Variants in NALF1 observed in about 807,000 individuals in gnomAD.
The protein encoded by NALF1 is NALCN channel auxiliary factor 1.
Under a neutral mutation model 48.4 loss-of-function variants are expected in NALF1, and 3 were observed. The ratio of observed to expected loss-of-function variants is 0.06; its 90% CI spans 0.03 to 0.16. The LOEUF is 0.16. NALF1 is among the 10% of genes least tolerant of loss of function. The probability of loss-of-function intolerance (pLI) is 1.00; values close to 1 mark genes in which losing one functional copy is unlikely to be tolerated. For missense variants in NALF1, 526 were observed against 571.5 expected (o/e 0.92, Z 0.81); for synonymous variants, 262 against 245.7 (o/e 1.07, Z -0.62).
intron 1 of NALF1, among the ~76,000 whole-genome samples, chr13:107,265,938 C>T (rs539343493): frequency 2.0e-5 from 3 of 152,186 alleles, no homozygotes; most frequent in African/African-American, 4.8e-5. Context: ...ATATGATTTG[C>T]GTTTTCTCTA....
chr13:107,795,617 G>C (rs1878398014), intron 1 of NALF1, among the ~76,000 whole-genome samples: 1 of 151,964 alleles, frequency 6.6e-6, no homozygotes, highest in Non-Finnish European at 1.5e-5. Context: ...AGGATCTCCA[G>C]GTATTCCATT....
intron 1 of NALF1, among the ~76,000 whole-genome samples, chr13:107,851,970 C>G (rs1295690975): frequency 6.7e-6 from 1 of 149,990 alleles, no homozygotes; most frequent in Non-Finnish European, 1.5e-5. Context: ...CCATGCCCGG[C>G]TATTTTTTTT....
At chr13:107,642,825 A>G (rs111984555) in intron 1 of NALF1, among the ~76,000 whole-genome samples, 168 of 152,284 alleles carry the variant, frequency 1.1e-3, no homozygotes, top group African/African-American at 3.6e-3. Flanking sequence ...CTTATGTTGT[A>G]TGTGCTCATG....
intron 1 of NALF1, among the ~76,000 whole-genome samples, chr13:107,732,142 T>C (rs889152546): frequency 2.5e-4 from 38 of 152,162 alleles, no homozygotes; most frequent in African/African-American, 8.4e-4. Context: ...TTCTTTTTCA[T>C]GAAGTTTCTC....
chr13:107,288,221 T>G (rs960797169), intron 1 of NALF1, among the ~76,000 whole-genome samples: 1 of 75,374 alleles, frequency 1.3e-5, no homozygotes, highest in South Asian at 3.7e-4. Context: ...TCTGAAGACT[T>G]TTTTTTTTTT....
intron 1 of NALF1, among the ~76,000 whole-genome samples, chr13:107,617,246 T>A (rs891920023): frequency 1.3e-5 from 2 of 152,154 alleles, no homozygotes; most frequent in Admixed American, 1.3e-4. Flanking sequence ...GCAAGCTGGG[T>A]ATTCTCTAGG....
At chr13:107,463,786 CA>C (rs1258666086) in intron 1 of NALF1, among the ~76,000 whole-genome samples, 1 of 152,092 alleles carries the variant, frequency 6.6e-6, no homozygotes, top group Admixed American at 6.6e-5. Context: ...CAAGGAAAAA[CA>C]AGAGGAAAAG....
intron 1 of NALF1, among the ~76,000 whole-genome samples, chr13:107,711,205 T>C (rs1175895172): frequency 1.3e-5 from 2 of 152,296 alleles, no homozygotes; most frequent in East Asian, 3.9e-4. Context: ...GCATCTTTCA[T>C]GTCACAGTGT....
At chr13:107,713,715 C>T (rs1875669031) in intron 1 of NALF1, among the ~76,000 whole-genome samples, 1 of 152,140 alleles carries the variant, frequency 6.6e-6, no homozygotes, top group African/African-American at 2.4e-5. Flanking sequence ...TAAAATGGAG[C>T]TGAAAGTAAC....
intron 1 of NALF1, among the ~76,000 whole-genome samples, chr13:107,692,743 T>C (rs1881594815): frequency 6.6e-6 from 1 of 152,188 alleles, no homozygotes; most frequent in South Asian, 2.1e-4. Flanking sequence ...AATAATCTTC[T>C]TAATTTGGTA....
At chr13:107,498,484 G>A (rs1043560309) in intron 1 of NALF1, among the ~76,000 whole-genome samples, 1 of 152,106 alleles carries the variant, frequency 6.6e-6, no homozygotes, top group African/African-American at 2.4e-5. Flanking sequence ...TGATTTTGGA[G>A]GTTAAGCAAG....
At chr13:107,245,668 C>T (rs1880567391) in intron 1 of NALF1, among the ~76,000 whole-genome samples, 1 of 152,142 alleles carries the variant, frequency 6.6e-6, no homozygotes, top group Admixed American at 6.5e-5. Context: ...ATTAAAAGAG[C>T]CTATCACCCA....
chr13:107,192,656 C>T (rs577079496), intron 2 of NALF1, among the ~76,000 whole-genome samples: 7 of 152,090 alleles, frequency 4.6e-5, no homozygotes, highest in Non-Finnish European at 1.0e-4. Flanking sequence ...ATATCTATTA[C>T]TGAAGTTATG....
intron 1 of NALF1, among the ~76,000 whole-genome samples, chr13:107,611,968 G>GAAAGA (rs1453006352): frequency 5.6e-4 from 80 of 142,796 alleles, no homozygotes; most frequent in African/African-American, 2.0e-3. Context: ...GCACGAAGAA[G>GAAAGA]AAAGAAGAGA....
intron 1 of NALF1, among the ~76,000 whole-genome samples, chr13:107,708,552 C>T (rs1594218669): frequency 7.7e-6 from 1 of 129,994 alleles, no homozygotes; most frequent in Admixed American, 7.5e-5. Flanking sequence ...GGTCAAGTCT[C>T]ACTGTGGTTT....
intron 1 of NALF1, among the ~76,000 whole-genome samples, chr13:107,311,209 A>T (rs1175566915): frequency 6.6e-6 from 1 of 152,164 alleles, no homozygotes; most frequent in Non-Finnish European, 1.5e-5. Flanking sequence ...GTCTACCTGA[A>T]AAAAGGAACA....
At chr13:107,775,210 C>G (rs1380579817) in intron 1 of NALF1, among the ~76,000 whole-genome samples, 32 of 121,536 alleles carry the variant, frequency 2.6e-4, no homozygotes, top group Non-Finnish European at 8.4e-5. Context: ...CCCCCCTCCC[C>G]CCACCCCACA....
chr13:107,384,027 T>C (rs778904820), intron 1 of NALF1, among the ~76,000 whole-genome samples: 5 of 152,134 alleles, frequency 3.3e-5, no homozygotes, highest in Non-Finnish European at 5.9e-5. Flanking sequence ...GGTGGGAGCA[T>C]CACTTGAGCT....
intron 1 of NALF1, among the ~76,000 whole-genome samples, chr13:107,383,516 A>G (rs1256292792): frequency 6.6e-6 from 1 of 152,166 alleles, no homozygotes; most frequent in Non-Finnish European, 1.5e-5. Context: ...ATCTTTTCAC[A>G]TTACTTTTCC....
Sources: gnomAD v4.1 joint callset for allele counts (sites outside exome capture counted in the v4.1 genomes callset) on GRCh38, gnomAD v4.1.1 for gene constraint, MANE v1.5 for transcripts, NCBI Gene and HGNC (gene_info 2026-07-23, HGNC 2026-07-21) for gene names.